The following U2SURP variants were observed in gnomAD, a reference collection of about 807,000 sequenced individuals.
The protein encoded by U2SURP is U2 snRNP-associated SURP motif-containing protein.
In U2SURP, 9 loss-of-function variants were observed where a neutral mutation model predicts 144.9. The observed-to-expected ratio is 0.06, with a 90% CI of 0.04 to 0.11. The LOEUF is 0.11. U2SURP is among the 10% of genes least tolerant of loss of function. U2SURP has a pLI of 1.00. For synonymous variants in U2SURP, 408 were observed against 396.8 expected, an observed-to-expected ratio of 1.03 and a Z score of -0.33; for missense variants, 724 against 1,226.7, an observed-to-expected ratio of 0.59 and a Z score of 6.12.
At chr3:143,031,797 G>A (rs187597577) in intron 16 of U2SURP, among the ~76,000 whole-genome samples, 50 of 152,242 alleles carry the variant, frequency 3.3e-4, no homozygotes, top group African/African-American at 1.2e-3. Context: ...CTTAATACTT[G>A]TTGCATTGAT....
chr3:143,003,683 T>TTTTTTTTTTTTTTTTTTTTTTTTTTG (rs1935662710), intron 1 of U2SURP, among the ~76,000 whole-genome samples: 1 of 60,522 alleles, frequency 1.7e-5, no homozygotes, highest in Non-Finnish European at 2.8e-5. Context: ...ATTTCTTTTT[T>TTTTTTTTTTTTTTTTTTTTTTTTTTG]TTTTTTTTTT....
chr3:143,041,580 T>C (rs1016831389), intron 23 of U2SURP, among the ~76,000 whole-genome samples: 1 of 152,016 alleles, frequency 6.6e-6, no homozygotes, highest in Non-Finnish European at 1.5e-5. Context: ...ACCATATCTT[T>C]TCTGATTCTG....
chr3:143,006,709 T>C (rs1486853902), intron 1 of U2SURP, among the ~76,000 whole-genome samples: 1 of 152,058 alleles, frequency 6.6e-6, no homozygotes, highest in Non-Finnish European at 1.5e-5. Flanking sequence ...GCCATTGCAC[T>C]CCAGCCTGGG....
At chr3:143,055,161 T>G (rs1246027782) in intron 27 of U2SURP, 42 bp downstream of exon 27, 1 of 1,469,094 alleles carries the variant, frequency 6.8e-7, no homozygotes, top group African/African-American at 1.5e-5. Context: ...GATACCAGTT[T>G]CCTTGTCATT....
chr3:143,019,458 A>G (rs927456523), intron 6 of U2SURP, among the ~76,000 whole-genome samples: 2 of 152,226 alleles, frequency 1.3e-5, no homozygotes, highest in African/African-American at 4.8e-5. Flanking sequence ...TACATTTAGT[A>G]TATGGTGTAA....
intron 14 of U2SURP, 24 bp downstream of exon 14, chr3:143,027,277 A>C: frequency 6.4e-7 from 1 of 1,565,280 alleles, no homozygotes; most frequent in Non-Finnish European, 8.8e-7. Flanking sequence ...AAAAATTGTG[A>C]AATATATGTA....
chr3:143,007,362 G>T (rs1190415593), intron 1 of U2SURP, among the ~76,000 whole-genome samples: 1 of 150,504 alleles, frequency 6.6e-6, no homozygotes, highest in Non-Finnish European at 1.5e-5. Flanking sequence ...GCCTCGAGCA[G>T]TCGTCCCACC....
chr3:143,033,011 C>CT, intron 17 of U2SURP, 65 bp downstream of exon 17: 3 of 1,540,864 alleles, frequency 1.9e-6, no homozygotes, highest in Non-Finnish European at 2.6e-6. Context: ...AATTGGTTTC[C>CT]TTTTTGCACA....
At chr3:143,012,086 G>A in intron 2 of U2SURP, 136 bp from the exon 3 acceptor site, 2 of 1,121,032 alleles carry the variant, frequency 1.8e-6, no homozygotes, top group Non-Finnish European at 2.6e-6. Context: ...AATCAATGGT[G>A]ATATTAAGGG....
chr3:143,009,762 T>C (rs2137586), intron 1 of U2SURP, among the ~76,000 whole-genome samples: 90,562 of 151,536 alleles, frequency 0.6, 27,284 homozygotes, highest in East Asian at 0.69. Context: ...CTTAGCCTTA[T>C]GTCTGGACAA....
intron 23 of U2SURP, among the ~76,000 whole-genome samples, chr3:143,042,573 A>AAT (rs1251741673): frequency 2.0e-5 from 3 of 152,080 alleles, no homozygotes; most frequent in Non-Finnish European, 4.4e-5. Context: ...CACTGTACCC[A>AAT]ATATATAGTC....
intron 22 of U2SURP, 45 bp from the exon 23 acceptor site, chr3:143,038,849 C>A: frequency 1.4e-6 from 2 of 1,417,096 alleles, no homozygotes; most frequent in Non-Finnish European, 1.9e-6. Flanking sequence ...TGAAAAAATG[C>A]TAGTTTACCT....
chr3:143,019,637 TG>T (rs1329746850), intron 6 of U2SURP, among the ~76,000 whole-genome samples: 3 of 152,352 alleles, frequency 2.0e-5, no homozygotes, highest in African/African-American at 7.2e-5. Flanking sequence ...TGTTACTTAC[TG>T]TTCCAGTAAC....
At chr3:143,053,245 G>A (rs1934979060) in intron 25 of U2SURP, among the ~76,000 whole-genome samples, 1 of 152,084 alleles carries the variant, frequency 6.6e-6, no homozygotes, top group Non-Finnish European at 1.5e-5. Flanking sequence ...GTGGGACAGT[G>A]GGGGAAGAGC....
chr3:143,022,383 A>G (rs1560184674), intron 10 of U2SURP, 114 bp from the exon 11 acceptor site: 1 of 969,346 alleles, frequency 1.0e-6, no homozygotes, highest in Non-Finnish European at 1.4e-6. Context: ...TAAATGGAAA[A>G]TTGAAGCACG....
intron 6 of U2SURP, among the ~76,000 whole-genome samples, chr3:143,017,707 C>A (rs1246733831): frequency 1.3e-5 from 2 of 152,010 alleles, no homozygotes; most frequent in African/African-American, 4.8e-5. Context: ...GCAGCCTCAA[C>A]CTCGTAGGCT....
At chr3:143,014,443 G>A in intron 4 of U2SURP, 34 bp downstream of exon 4, 2 of 1,436,874 alleles carry the variant, frequency 1.4e-6, no homozygotes, top group Non-Finnish European at 1.9e-6. Context: ...ATTATCCTTG[G>A]AAATGAATGT....
intron 24 of U2SURP, among the ~76,000 whole-genome samples, chr3:143,047,111 G>A (rs1934529218): frequency 9.6e-6 from 1 of 103,894 alleles, no homozygotes; most frequent in African/African-American, 4.5e-5. Context: ...TCACTTCCCA[G>A]TAGGGGCGGC....
chr3:143,047,229 C>A, intron 24 of U2SURP, among the ~76,000 whole-genome samples: 1 of 87,042 alleles, frequency 1.1e-5, no homozygotes, highest in Non-Finnish European at 2.1e-5. Flanking sequence ...GGGGCTGATC[C>A]CCCCACCTCC....
Sources: gnomAD v4.1 joint callset for allele counts (sites outside exome capture counted in the v4.1 genomes callset) on GRCh38, gnomAD v4.1.1 for gene constraint, MANE v1.5 for transcripts, NCBI Gene and HGNC (gene_info 2026-07-23, HGNC 2026-07-21) for gene names.